Variants in SLX9 observed in about 807,000 individuals in gnomAD.
SLX9 encodes the protein ribosome biogenesis protein SLX9 homolog.
In SLX9, 19 loss-of-function variants were observed where a neutral mutation model predicts 20.8. That is an observed-to-expected ratio of 0.91 (90% CI 0.64 to 1.34). The LOEUF (loss-of-function observed/expected upper bound fraction) is 1.34, where lower values mean the gene tolerates loss of function less well. Ranked by LOEUF, SLX9 falls within the 40% of genes most tolerant of loss-of-function variation. SLX9 has a pLI of 0.00. For synonymous variants in SLX9, 113 were observed against 137.1 expected, an observed-to-expected ratio of 0.82 and a Z score of 1.23; for missense variants, 299 against 322.2, an observed-to-expected ratio of 0.93 and a Z score of 0.55.
intron 2 of SLX9, among the ~76,000 whole-genome samples, chr21:44,955,062 A>G (rs1442373943): frequency 3.3e-5 from 5 of 152,112 alleles, no homozygotes; most frequent in Admixed American, 3.3e-4. Context: ...CTAAAAATAC[A>G]AAAATTAGCT....
chr21:44,952,519 GGT>G (rs2084777422), intron 2 of SLX9, among the ~76,000 whole-genome samples: 1 of 152,204 alleles, frequency 6.6e-6, no homozygotes, highest in African/African-American at 2.4e-5. Context: ...CTCCCCTGCA[GGT>G]CTGGCCCCAG....
intron 3 of SLX9, among the ~76,000 whole-genome samples, chr21:44,962,918 C>G (rs1205102897): frequency 6.6e-6 from 1 of 152,172 alleles, no homozygotes; most frequent in Non-Finnish European, 1.5e-5. Context: ...AGAGCATTTA[C>G]ATGTGCTTAC....
At chr21:44,970,497 G>T (rs1161247290) in intron 4 of SLX9, among the ~76,000 whole-genome samples, 1 of 152,154 alleles carries the variant, frequency 6.6e-6, no homozygotes, top group Admixed American at 6.5e-5. Flanking sequence ...TCTCTAGGGA[G>T]CCCTGGCCCC....
intron 3 of SLX9, among the ~76,000 whole-genome samples, chr21:44,964,992 G>A (rs2085008610): frequency 6.6e-6 from 1 of 152,210 alleles, no homozygotes; most frequent in Admixed American, 6.5e-5. Context: ...CGTCCACTGA[G>A]TGTTCATCAG....
chr21:44,949,636 C>G (rs777290207), intron 2 of SLX9, among the ~76,000 whole-genome samples: 26 of 152,172 alleles, frequency 1.7e-4, no homozygotes, highest in Non-Finnish European at 2.8e-4. Flanking sequence ...CCACTCCTGC[C>G]GCTTCTGCCT....
chr21:44,950,264 C>CT lies in SLX9; in HGVS notation c.283+6434dup, dbSNP rs1309396690. 1.2e-3 allele frequency among the ~76,000 whole-genome samples: 162 copies of CT among 138,150 alleles called. 1 individual carries two copies. The highest frequency in any genetic ancestry group is 4.1e-3 in the African/African-American group (149 of 35,952). 90.6% of individuals were successfully genotyped at this position (138,150 alleles called of 152,430 possible). A position where few individuals can be genotyped will look rare whatever the true frequency, so the allele number is the denominator to read the frequency against. On this transcript the variant is annotated intron_variant, in intron 2 of 5. Coordinates refer to ENST00000291634, the MANE Select transcript of SLX9 (RefSeq NM_058190.4). Reference sequence around the variant, plus strand: ...AAAAAAAAAATCCCTTTTTTAAGACCTTTTTTTACAGTTGTGAAGTCAAGG... The same window carrying CT: ...AAAAAAAAAATCCCTTTTTTAAGACCTTTTTTTTACAGTTGTGAAGTCAAGG...
intron 2 of SLX9, among the ~76,000 whole-genome samples, chr21:44,953,870 G>A (rs2084806609): frequency 6.6e-6 from 1 of 152,196 alleles, no homozygotes; most frequent in African/African-American, 2.4e-5. Flanking sequence ...CGCACCCCAA[G>A]GCCTTGCTGA....
At chr21:44,945,624 C>T (rs951435303) in intron 2 of SLX9, among the ~76,000 whole-genome samples, 7 of 152,256 alleles carry the variant, frequency 4.6e-5, no homozygotes, top group African/African-American at 1.7e-4. Context: ...TCTGGCCTCG[C>T]AGCGTTCTTG....
At chr21:44,961,996 T>C (rs1423736558) in intron 3 of SLX9, among the ~76,000 whole-genome samples, 1 of 152,244 alleles carries the variant, frequency 6.6e-6, no homozygotes, top group Admixed American at 6.5e-5. Flanking sequence ...GAATACCCTG[T>C]ACCCACCACA....
chr21:44,974,006 G>A (rs1303606112), intron 5 of SLX9, among the ~76,000 whole-genome samples: 3 of 152,244 alleles, frequency 2.0e-5, no homozygotes, highest in East Asian at 1.9e-4. Context: ...ACTGGGCACT[G>A]CGGCCCCCAG....
intron 2 of SLX9, among the ~76,000 whole-genome samples, chr21:44,956,873 A>G (rs967496315): frequency 8.5e-5 from 13 of 152,170 alleles, no homozygotes; most frequent in African/African-American, 3.1e-4. Context: ...TCCTCCACTG[A>G]GGCTGGTTTA....
upstream of SLX9, chr21:44,939,785 G>A: frequency 1.8e-6 from 1 of 546,970 alleles, no homozygotes. Flanking sequence ...ACGCAACCCC[G>A]GGCTTGGGTC....
At chr21:44,953,473 C>T (rs539739052) in intron 2 of SLX9, among the ~76,000 whole-genome samples, 2 of 152,172 alleles carry the variant, frequency 1.3e-5, no homozygotes, top group East Asian at 3.9e-4. Context: ...GTCCGGGCCT[C>T]GGGAGCCTGT....
At chr21:44,969,690 T>A (rs1323182937) in intron 4 of SLX9, among the ~76,000 whole-genome samples, 1 of 152,236 alleles carries the variant, frequency 6.6e-6, no homozygotes, top group Non-Finnish European at 1.5e-5. Context: ...GACATGAGTG[T>A]GGTACGTTCG....
At position 44,940,180 on chromosome 21, in the gene SLX9, G is replaced by A. The variant is rs2084512823; in HGVS notation, c.123G>A (p.Ala41=). ...PEATPPPASA[A]GKDWAFINTN... Reference sequence around the variant, plus strand: ...CGACCCCTCCGCCGGCCTCGGCCGCGGGGAAGGTGAGCTGGGGAGGCGCTG... The same window carrying A: ...CGACCCCTCCGCCGGCCTCGGCCGCAGGGAAGGTGAGCTGGGGAGGCGCTG... Residue 41 remains alanine (A), a synonymous_variant, in exon 1 of 6, where the codon GCG becomes GCA. Transcript: ENST00000291634. 3.2e-6 allele frequency: 4 copies of A among 1,263,450 alleles called. No homozygotes were observed. Among genetic ancestry groups the A allele is most frequent in the African/African-American group, 1.6e-5 (1 of 64,160 alleles). The allele number at this position is 1,263,450 out of a possible 1,614,324, so 78.3% of individuals were successfully genotyped here.
chr21:44,975,778 G>A (rs1395128541), intron 5 of SLX9, among the ~76,000 whole-genome samples: 1 of 152,246 alleles, frequency 6.6e-6, no homozygotes, highest in Non-Finnish European at 1.5e-5. Context: ...GGAGGTGGTG[G>A]TTAGTGACCA....
At position 44,941,613 on chromosome 21, in the gene SLX9, C is replaced by T. The variant is rs983329920; in HGVS notation, c.129+1427C>T. On this transcript the variant is annotated intron_variant, in intron 1 of 5. Transcript: ENST00000291634. ...GCTTGGAGGTGGCTGTCAGATTCAG[C>T]GTGTTCACATTTTTGACCTTCATTT... Among the ~76,000 whole-genome samples, 14 of 152,298 alleles carry T rather than the reference C, an allele frequency of 9.2e-5. No individual in the cohort carries two copies. In the South Asian group the frequency reaches 1.0e-3, roughly 11 times the overall value.
chr21:44,973,146 G>T (rs775310813), intron 4 of SLX9, 51 bp from the exon 5 acceptor site: 7 of 1,603,438 alleles, frequency 4.4e-6, no homozygotes, highest in African/African-American at 1.3e-5. Context: ...CCACGGGAAG[G>T]TGTTTAGGGG....
chr21:44,963,731 ATC>A lies in SLX9; in HGVS notation c.353-3301_353-3300del, dbSNP rs543706954. On this transcript the variant is annotated intron_variant, in intron 3 of 5. Coordinates refer to ENST00000291634, the MANE Select transcript of SLX9 (RefSeq NM_058190.4). The stretch of plus-strand genomic sequence containing the variant: ...AAATCAGAAAGTCTCATAAGTGTGG[ATC>A]TGTTTCTAGGCTGTCTTCTGTTCCA... Among the ~76,000 whole-genome samples, 16 of 152,144 alleles carry A rather than the reference ATC, an allele frequency of 1.1e-4. No individual in the cohort carries two copies. In the East Asian group the frequency reaches 2.5e-3, roughly 24 times the overall value.
Sources: gnomAD v4.1 joint callset for allele counts (sites outside exome capture counted in the v4.1 genomes callset) on GRCh38, gnomAD v4.1.1 for gene constraint, MANE v1.5 for transcripts, NCBI Gene and HGNC (gene_info 2026-07-23, HGNC 2026-07-21) for gene names.